Variants in TBC1D16 observed in about 807,000 individuals in gnomAD.
TBC1D16 encodes the protein CTD-2529O21.1.
In TBC1D16, 58 loss-of-function variants were observed where a neutral mutation model predicts 74.7. The ratio of observed to expected loss-of-function variants is 0.78; its 90% CI spans 0.63 to 0.97. The LOEUF (loss-of-function observed/expected upper bound fraction) is 0.97, where lower values mean the gene tolerates loss of function less well. Among genes scored for constraint, TBC1D16 ranks in the 50% least tolerant of loss-of-function variants. The pLI, the probability that TBC1D16 is intolerant of heterozygous loss-of-function variation, is 0.00. For missense variants in TBC1D16, 1,014 were observed against 1,079.5 expected (o/e 0.94, Z 0.85); for synonymous variants, 493 against 474.7 (o/e 1.04, Z -0.50).
chr17:80,011,414 G>A (rs2144674706), intron 2 of TBC1D16, among the ~76,000 whole-genome samples: 1 of 152,174 alleles, frequency 6.6e-6, no homozygotes, highest in Middle Eastern at 3.4e-3. Flanking sequence ...CTGGCCCCAG[G>A]GCTCACCTGC....
chr17:79,961,899 A>C lies in TBC1D16; in HGVS notation c.780-9081T>G, dbSNP rs905033160. On this transcript the variant is annotated intron_variant, in intron 3 of 11. Transcript: ENST00000310924. This position sits in a 1 kb window ranked among gnomAD's most constrained non-coding sequence, Gnocchi z 4.8. The stretch of plus-strand genomic sequence containing the variant: ...AAATAAAAATAATAAAATAAAATAG[A>C]TAAGAACTGAAAACAACCCAGGGTT... Among the ~76,000 whole-genome samples, 8 of 152,094 alleles carry C rather than the reference A, an allele frequency of 5.3e-5. No homozygotes were observed. The highest frequency in any genetic ancestry group is 1.9e-4 in the African/African-American group (8 of 41,418).
In TBC1D16 at chr17:80,008,542, G is replaced by A. The variant is rs577013856; in HGVS notation, c.779+1618C>T. On this transcript the variant is annotated intron_variant, in intron 3 of 11. Coordinates refer to ENST00000310924, the MANE Select transcript of TBC1D16 (RefSeq NM_019020.4). This position sits in a 1 kb window ranked among gnomAD's most constrained non-coding sequence, Gnocchi z 4.5. ...CCTGGGGATGCAGGGACACGGGGAC[G>A]CCTGCAGGTTCTGCTGCACTGTTGG... is the stretch of plus-strand genomic sequence containing the variant. Among the ~76,000 whole-genome samples the A allele has an allele frequency of 1.3e-5, 2 of 152,172 alleles. No individual in the cohort carries two copies. Among genetic ancestry groups the A allele is most frequent in the Non-Finnish European group, 2.9e-5 (2 of 68,004 alleles).
At chr17:79,960,807 A>AAAAAAAAAAAAAAAAAAAC (rs2033574287) in intron 3 of TBC1D16, among the ~76,000 whole-genome samples, 2 of 141,622 alleles carry the variant, frequency 1.4e-5, no homozygotes, top group African/African-American at 2.7e-5. Context: ...AAAAAAAAAA[A>AAAAAAAAAAAAAAAAAAAC]AACGAAGGAA....
chr17:79,938,015 G>GT lies in TBC1D16; in HGVS notation c.*2843dup, dbSNP rs1255229370. 1 of 152,244 alleles carries GT rather than the reference G, an allele frequency of 6.6e-6. No individual in the cohort carries two copies. Among genetic ancestry groups the GT allele is most frequent in the Non-Finnish European group, 1.5e-5 (1 of 68,042 alleles). 9.4% of individuals were successfully genotyped at this position (152,244 alleles called of 1,614,324 possible). On this transcript the variant is annotated 3_prime_UTR_variant, in exon 12 of 12. Transcript: ENST00000310924. Reference sequence around the variant, plus strand: ...ATAAGCAGCATTGCTGAGGATGGCCGTGCAGGGCTGATTATCCCCTATTTG... The same window carrying GT: ...ATAAGCAGCATTGCTGAGGATGGCCGTTGCAGGGCTGATTATCCCCTATTTG...
intron 3 of TBC1D16, among the ~76,000 whole-genome samples, chr17:79,968,775 C>T (rs1430544322): frequency 1.5e-5 from 2 of 136,906 alleles, no homozygotes; most frequent in African/African-American, 2.8e-5. Context: ...ATGGCAGGAA[C>T]CTGGGAGGTG....
At chr17:79,999,127 G>A (rs926807183) in intron 3 of TBC1D16, among the ~76,000 whole-genome samples, 2 of 151,970 alleles carry the variant, frequency 1.3e-5, no homozygotes, top group East Asian at 1.9e-4. Context: ...GTGGTGGTGG[G>A]CACCTGTAGT....
rs899117658 is a variant in TBC1D16, at chr17:79,944,808, T to TG, written c.1908+99dup. ...TGGGGGGCTAATGTGTGGCTGTGGG[T>TG]GGGGGGCGGCGAGGCGGACAGGGGC... On this transcript the variant is annotated intron_variant, in intron 10 of 11. Coordinates refer to ENST00000310924, the MANE Select transcript of TBC1D16 (RefSeq NM_019020.4). The surrounding 1 kb of genome is among the most constrained non-coding windows in gnomAD (Gnocchi z 7.7). The TG allele has an allele frequency of 1.8e-6, 2 of 1,118,268 alleles. No individual in the cohort carries two copies. Among genetic ancestry groups the TG allele is most frequent in the Non-Finnish European group, 2.5e-6 (2 of 808,044 alleles). 69.3% of individuals were successfully genotyped at this position (1,118,268 alleles called of 1,614,324 possible). A position where few individuals can be genotyped will look rare whatever the true frequency, so the allele number is the denominator to read the frequency against.
Position 80,011,597 on chromosome 17 carries a change from C to T in TBC1D16, c.182-840G>A, listed in dbSNP as rs548524530. Among the ~76,000 whole-genome samples, 91 of 152,224 alleles carry T rather than the reference C, an allele frequency of 6.0e-4. No homozygotes were observed. The East Asian group carries it at 0.011, about 18-fold the overall frequency. On this transcript the variant is annotated intron_variant, in intron 2 of 11. Coordinates refer to ENST00000310924, the MANE Select transcript of TBC1D16 (RefSeq NM_019020.4). ...ATCCCAGCACTTTGGGAGGCCAAGG[C>T]GGGTGGATCACGAGGTCAGGAGATC...
Position 79,935,572 on chromosome 17 carries a change from C to G in TBC1D16, c.*5287G>C, listed in dbSNP as rs986578021. 1 of 152,298 alleles carries G rather than the reference C, an allele frequency of 6.6e-6. No individual in the cohort carries two copies. The highest frequency in any genetic ancestry group is 1.5e-5 in the Non-Finnish European group (1 of 68,082). The allele number at this position is 152,298 out of a possible 1,614,324, so 9.4% of individuals were successfully genotyped here. A position where few individuals can be genotyped will look rare whatever the true frequency, so the allele number is the denominator to read the frequency against. ...CCTGTTTGCCCAGCACAGAGCCTGCCGTGCTTTGACCCAGCAAGTCCCACC... is the reference window on the plus strand; with the variant it reads ...CCTGTTTGCCCAGCACAGAGCCTGCGGTGCTTTGACCCAGCAAGTCCCACC... On this transcript the variant is annotated 3_prime_UTR_variant, in exon 12 of 12. Transcript: ENST00000310924.
intron 1 of TBC1D16, among the ~76,000 whole-genome samples, chr17:80,030,283 G>A (rs943153010): frequency 2.6e-5 from 4 of 152,140 alleles, no homozygotes; most frequent in Admixed American, 1.3e-4. Flanking sequence ...ACCCACTGAC[G>A]GTGAACCCCC....
chr17:80,025,128 C>CAA (rs2036525026), intron 1 of TBC1D16, among the ~76,000 whole-genome samples: 3 of 76,222 alleles, frequency 3.9e-5, no homozygotes, highest in Admixed American at 1.2e-4. Flanking sequence ...CAGACACACA[C>CAA]ACACCATAGG....
chr17:80,013,985 TTTTTCACAAAAAAAAACGTTTTC>T (rs1319853361), intron 1 of TBC1D16, among the ~76,000 whole-genome samples: 4 of 151,876 alleles, frequency 2.6e-5, no homozygotes, highest in African/African-American at 9.7e-5. Context: ...CAAAAACGTT[TTTTTCACAAAAAAAAACGTTTTC>T]TTTTCTCAGT....
chr17:79,943,117 G>C (rs114599191), intron 10 of TBC1D16, among the ~76,000 whole-genome samples: 1 of 152,204 alleles, frequency 6.6e-6, no homozygotes, highest in Non-Finnish European at 1.5e-5. Flanking sequence ...CAGGCTGAGC[G>C]GAGCACACCA....
In TBC1D16 at chr17:79,944,845, T is replaced by G; in HGVS notation, c.1908+63A>C. The G allele has an allele frequency of 7.0e-7, 1 of 1,419,492 alleles. No homozygotes were observed. Among genetic ancestry groups the G allele is most frequent in the Non-Finnish European group, 9.4e-7 (1 of 1,064,330 alleles). The allele number at this position is 1,419,492 out of a possible 1,614,324, so 87.9% of individuals were successfully genotyped here. ...AGGCGGACAGGGGCAGCAGGCAGGG[T>G]GGCCACGGTGGTTCAGGGGCCATGG... On this transcript the variant is annotated intron_variant, in intron 10 of 11. Transcript: ENST00000310924. This position sits in a 1 kb window ranked among gnomAD's most constrained non-coding sequence, Gnocchi z 7.7.
chr17:79,972,845 C>T (rs1457275475), intron 3 of TBC1D16, among the ~76,000 whole-genome samples: 2 of 151,224 alleles, frequency 1.3e-5, no homozygotes, highest in Non-Finnish European at 3.0e-5. Context: ...TTTGGAAGGC[C>T]GAGGCAGGAG....
At chr17:79,995,568 G>A (rs892768096) in intron 3 of TBC1D16, among the ~76,000 whole-genome samples, 4 of 146,728 alleles carry the variant, frequency 2.7e-5, no homozygotes, top group South Asian at 2.2e-4. Flanking sequence ...GGCAGATCAC[G>A]AGGTCAGGAG....
intron 1 of TBC1D16, among the ~76,000 whole-genome samples, chr17:80,023,564 G>A (rs1028463707): frequency 2.7e-5 from 4 of 150,034 alleles, no homozygotes; most frequent in African/African-American, 1.0e-4. Context: ...GCCACTTAGA[G>A]CGCACAGCCC....
chr17:79,952,194 GACTAT>G (rs1405035451), intron 4 of TBC1D16: 1 of 157,220 alleles, frequency 6.4e-6, no homozygotes, highest in Non-Finnish European at 1.4e-5. Context: ...GGGCAGCCCT[GACTAT>G]AAGGAGGAGG....
rs370068915 is a variant in TBC1D16, at chr17:79,981,879, A to C, written c.779+28281T>G. ...CTCCAAGGGCGCGCCAGGGAACAGC[A>C]GGACGCGGCCCTCCGGGGCTTCCCT... On this transcript the variant is annotated intron_variant, in intron 3 of 11. Transcript: ENST00000310924. This position sits in a 1 kb window ranked among gnomAD's most constrained non-coding sequence, Gnocchi z 6.9. Among the ~76,000 whole-genome samples, 1 of 152,270 alleles carries C rather than the reference A, an allele frequency of 6.6e-6. No homozygotes were observed.
Sources: allele counts gnomAD v4.1 joint callset (sites outside exome capture counted in the v4.1 genomes callset), GRCh38; gene constraint gnomAD v4.1.1; non-coding constraint Gnocchi (gnomAD v3.1); transcripts MANE v1.5; gene names NCBI Gene and HGNC (gene_info 2026-07-23, HGNC 2026-07-21).